GRIK1: variants seen among roughly 807,000 people sequenced by gnomAD.
GRIK1 encodes glutamate receptor ionotropic, kainate 1.
Under a neutral mutation model 105.7 loss-of-function variants are expected in GRIK1, and 69 were observed. The ratio of observed to expected loss-of-function variants is 0.65; its 90% CI spans 0.54 to 0.80. GRIK1 has a LOEUF of 0.80. GRIK1 is among the 30% of genes least tolerant of loss of function. The pLI is 0.00. For missense variants in GRIK1, 1,109 were observed against 1,167.3 expected (o/e 0.95, Z 0.73); for synonymous variants, 438 against 431.3 (o/e 1.02, Z -0.19).
At chr21:29,837,539 T>C (rs543445617) in intron 1 of GRIK1, among the ~76,000 whole-genome samples, 1 of 151,866 alleles carries the variant, frequency 6.6e-6, no homozygotes, top group African/African-American at 2.4e-5. Flanking sequence ...CAACCACCAA[T>C]GGGGGGGAAT....
Position 29,689,932 on chromosome 21 carries a change from A to G in GRIK1, c.340T>C (p.Ser114Pro). The G allele has an allele frequency of 6.2e-7, 1 of 1,607,514 alleles. No homozygotes were observed. Among genetic ancestry groups the G allele is most frequent in the Non-Finnish European group, 8.5e-7 (1 of 1,175,914 alleles). ...ATAGACTGCACAGCACTGACGGAGG[A>G]GCTATGGGAAGGGCCAAAGAGAGCA... The part of the protein sequence containing the change: ...VAALFGPSHS[S>P]SVSAVQSICN... The change falls in exon 3 of 18, where the codon TCC (serine) becomes CCC (proline). Residue 114 changes from serine to proline, a missense_variant. By Grantham distance (74) the Ser-to-Pro change is moderately conservative. This residue lies in a region of GRIK1 where 612 missense variants were observed against 586.0 expected (regional missense o/e 1.04). Transcript: ENST00000327783.
At chr21:29,719,077 T>TATAC (rs754183053) in intron 1 of GRIK1, among the ~76,000 whole-genome samples, 110 of 47,290 alleles carry the variant, frequency 2.3e-3, no homozygotes, top group Non-Finnish European at 4.8e-3. Context: ...TGTGTGTGTA[T>TATAC]ATACATATAT....
chr21:29,790,716 G>A (rs2066390464), intron 1 of GRIK1, among the ~76,000 whole-genome samples: 1 of 152,172 alleles, frequency 6.6e-6, no homozygotes, highest in South Asian at 2.1e-4. Context: ...GCCTCCCAGA[G>A]TGCTGGGATT....
intron 1 of GRIK1, chr21:29,763,610 T>C (rs1246889644): frequency 6.6e-6 from 1 of 152,350 alleles, no homozygotes; most frequent in Non-Finnish European, 1.5e-5. Context: ...CTGACTCTGA[T>C]GATAGAACAA....
chr21:29,654,629 G>GAGAA (rs1242098304), intron 5 of GRIK1, among the ~76,000 whole-genome samples, 181 bp downstream of exon 5: 1 of 105,788 alleles, frequency 9.5e-6, no homozygotes, highest in Non-Finnish European at 1.7e-5. Context: ...AAGAAAGAAA[G>GAGAA]AGAAAGAAAG....
At chr21:29,618,308 G>C (rs1042304013) in intron 7 of GRIK1, among the ~76,000 whole-genome samples, 1 of 152,054 alleles carries the variant, frequency 6.6e-6, no homozygotes, top group African/African-American at 2.4e-5. Flanking sequence ...ACCACAATGC[G>C]ATACCACCTT....
chr21:29,597,859 AT>A (rs1275002907), intron 8 of GRIK1, among the ~76,000 whole-genome samples: 2 of 152,166 alleles, frequency 1.3e-5, no homozygotes, highest in African/African-American at 4.8e-5. Context: ...TGCAAAAAAA[AT>A]GTGTCCTGGT....
chr21:29,708,423 T>G (rs1174697432), intron 1 of GRIK1, among the ~76,000 whole-genome samples: 1 of 152,262 alleles, frequency 6.6e-6, no homozygotes, highest in Non-Finnish European at 1.5e-5. Flanking sequence ...ATTAGATTTT[T>G]GGGCAGAGAA....
chr21:29,646,037 C>A (rs1191499148), intron 6 of GRIK1, among the ~76,000 whole-genome samples: 1 of 152,174 alleles, frequency 6.6e-6, no homozygotes, highest in Admixed American at 6.5e-5. Context: ...TGAGAGATAA[C>A]TTTTAACTCC....
In GRIK1 at chr21:29,695,149, T is replaced by C. The variant is rs574729279; in HGVS notation, c.119-1086A>G. 1.6e-4 allele frequency among the ~76,000 whole-genome samples: 25 copies of C among 152,292 alleles called. No homozygotes were observed. In the East Asian group the frequency reaches 4.6e-3, roughly 28 times the overall value. On this transcript the variant is annotated intron_variant, in intron 1 of 17. Coordinates refer to ENST00000327783, the MANE Select transcript of GRIK1 (RefSeq NM_001330994.2). ...AAGTAACAGTACAAAATGTTAGTGC[T>C]TAAAGCCTCATCAGAGAATGAGCTC...
chr21:29,933,630 G>C (rs1468603654), intron 1 of GRIK1, among the ~76,000 whole-genome samples: 1 of 152,160 alleles, frequency 6.6e-6, no homozygotes, highest in East Asian at 1.9e-4. Context: ...GAGAGAGAGA[G>C]AGGGAGAGAG....
At chr21:29,830,565 G>C (rs1264884919) in intron 1 of GRIK1, among the ~76,000 whole-genome samples, 1 of 152,096 alleles carries the variant, frequency 6.6e-6, no homozygotes, top group Non-Finnish European at 1.5e-5. Flanking sequence ...GATAGATAGA[G>C]TGCTTGCTCC....
rs1224191446 is a variant in GRIK1, at chr21:29,639,503, T to C, written c.1098+3323A>G. Among the ~76,000 whole-genome samples, 8 of 152,080 alleles carry C rather than the reference T, an allele frequency of 5.3e-5. No individual in the cohort carries two copies. In the East Asian group the frequency reaches 9.6e-4, roughly 18 times the overall value. Reference sequence around the variant, plus strand: ...CATTGCAATCAGAGTTAAAATAATTTGGTAGGAGCATATTGCATATTCAAG... The same window carrying C: ...CATTGCAATCAGAGTTAAAATAATTCGGTAGGAGCATATTGCATATTCAAG... On this transcript the variant is annotated intron_variant, in intron 7 of 17. Transcript: ENST00000327783.
intron 3 of GRIK1, among the ~76,000 whole-genome samples, chr21:29,684,349 A>G (rs2063444909): frequency 6.6e-6 from 1 of 152,112 alleles, no homozygotes; most frequent in Non-Finnish European, 1.5e-5. Flanking sequence ...TATATTCACT[A>G]TTTATCAACT....
chr21:29,555,817 G>A (rs1213429534), intron 15 of GRIK1, among the ~76,000 whole-genome samples: 3 of 152,116 alleles, frequency 2.0e-5, no homozygotes, highest in Admixed American at 1.3e-4. Context: ...TGCCAGACAA[G>A]GGTTAAGTCA....
rs539967366 is a variant in GRIK1, at chr21:29,722,483, G to A, written c.119-28420C>T. 7.9e-5 allele frequency among the ~76,000 whole-genome samples: 12 copies of A among 151,614 alleles called. 1 individual carries two copies. The South Asian group carries it at 2.5e-3, about 32-fold the overall frequency. ...AGGCAGGAGAATGGTGTGAACCCGG[G>A]AGGCAGAGCTTGCAGTGAGCTGAGA... On this transcript the variant is annotated intron_variant, in intron 1 of 17. Coordinates refer to ENST00000327783, the MANE Select transcript of GRIK1 (RefSeq NM_001330994.2).
intron 1 of GRIK1, among the ~76,000 whole-genome samples, chr21:29,922,097 G>T (rs902629756): frequency 6.6e-6 from 1 of 151,982 alleles, no homozygotes. Flanking sequence ...GCCTTTTTCC[G>T]CTCTTGGGTT....
At chr21:29,620,248 A>G (rs2061955242) in intron 7 of GRIK1, among the ~76,000 whole-genome samples, 1 of 152,232 alleles carries the variant, frequency 6.6e-6, no homozygotes, top group African/African-American at 2.4e-5. Flanking sequence ...TCAGCTCTGC[A>G]GTTTTCAAAT....
At chr21:29,600,411 T>TG (rs566086795) in intron 7 of GRIK1, among the ~76,000 whole-genome samples, 1 of 152,196 alleles carries the variant, frequency 6.6e-6, no homozygotes, top group Non-Finnish European at 1.5e-5. Flanking sequence ...CGGTGGCCCT[T>TG]GGGAGAGTCT....
Sources: allele counts gnomAD v4.1 joint callset (sites outside exome capture counted in the v4.1 genomes callset), GRCh38; gene constraint gnomAD v4.1.1; regional missense constraint gnomAD v4.1.1; transcripts MANE v1.5; gene names NCBI Gene and HGNC (gene_info 2026-07-23, HGNC 2026-07-21).